CARF: variants seen among roughly 807,000 people sequenced by gnomAD.
The protein encoded by CARF is calcium responsive transcription factor.
Under a neutral mutation model 82.0 loss-of-function variants are expected in CARF, and 57 were observed. That is an observed-to-expected ratio of 0.70 (90% confidence interval 0.56 to 0.87). The LOEUF (loss-of-function observed/expected upper bound fraction) is 0.87. Among genes scored for constraint, CARF ranks in the 40% least tolerant of loss-of-function variants. The probability of loss-of-function intolerance (pLI) is 0.00; values close to 1 mark genes in which losing one functional copy is unlikely to be tolerated. For missense variants in CARF, 771 were observed against 855.8 expected, an observed-to-expected ratio of 0.90 and a Z score of 1.24; for synonymous variants, 268 against 290.1, an observed-to-expected ratio of 0.92 and a Z score of 0.77.
At chr2:202,922,802 C>T (rs148776530) in intron 2 of CARF, among the ~76,000 whole-genome samples, 1,716 of 151,868 alleles carry the variant, frequency 0.011, 27 homozygotes, top group African/African-American at 0.039. Flanking sequence ...CAGAGTGAGA[C>T]TCTGTCTCAA....
intron 14 of CARF, among the ~76,000 whole-genome samples, chr2:202,979,199 G>A (rs1296532864): frequency 2.0e-5 from 3 of 151,822 alleles, no homozygotes; most frequent in African/African-American, 7.3e-5. Context: ...AGAGGTTGCA[G>A]TGAGCTGAGA....
chr2:202,918,520 G>A (rs1690174449), intron 2 of CARF, among the ~76,000 whole-genome samples: 1 of 152,108 alleles, frequency 6.6e-6, no homozygotes, highest in Middle Eastern at 3.4e-3. Context: ...GATAGAGCAA[G>A]ACTCCGTCTC....
intron 13 of CARF, among the ~76,000 whole-genome samples, chr2:202,976,357 T>C (rs911820059): frequency 5.3e-5 from 8 of 152,064 alleles, no homozygotes; most frequent in African/African-American, 1.9e-4. Context: ...TTGTTTTTAT[T>C]AGAGACGGGT....
chr2:202,913,436 A>G (rs531890319), intron 1 of CARF, among the ~76,000 whole-genome samples: 1 of 152,342 alleles, frequency 6.6e-6, no homozygotes, highest in African/African-American at 2.4e-5. Flanking sequence ...CACTCAGTAT[A>G]TGTTAATTAT....
At chr2:202,923,958 C>T (rs2105960937) in intron 2 of CARF, among the ~76,000 whole-genome samples, 1 of 152,302 alleles carries the variant, frequency 6.6e-6, no homozygotes, top group Admixed American at 6.5e-5. Flanking sequence ...CATCTCTCAC[C>T]TTATACAAAA....
intron 2 of CARF, among the ~76,000 whole-genome samples, chr2:202,923,182 C>T (rs577965993): frequency 1.1e-4 from 16 of 151,922 alleles, no homozygotes; most frequent in African/African-American, 3.6e-4. Context: ...CAGAGGTTGC[C>T]ATGAGCCGAG....
chr2:202,969,831 A>C, intron 10 of CARF, 88 bp from the exon 11 acceptor site: 2 of 846,952 alleles, frequency 2.4e-6, no homozygotes, highest in South Asian at 5.6e-5. Context: ...TCTAAGCTTA[A>C]ATGCTTAAAG....
chr2:202,983,676 A>C lies in CARF; in HGVS notation c.*52A>C, dbSNP rs1289919366. On this transcript the variant is annotated 3_prime_UTR_variant, in exon 17 of 17. Coordinates refer to ENST00000438828, the MANE Select transcript of CARF (RefSeq NM_024744.17). ...ACTCTGGTGACTTCTGATGTCTTAG[A>C]AAGGAAGGTGAATATAGTCAAAGCG... The C allele has an allele frequency of 4.4e-6, 5 of 1,134,834 alleles. No individual in the cohort carries two copies. Among genetic ancestry groups the C allele is most frequent in the Non-Finnish European group, 6.6e-6 (5 of 757,370 alleles). The allele number at this position is 1,134,834 out of a possible 1,614,324, so 70.3% of individuals were successfully genotyped here.
intron 14 of CARF, among the ~76,000 whole-genome samples, chr2:202,980,655 T>TATATAC (rs2060221541): frequency 8.3e-6 from 1 of 120,398 alleles, no homozygotes; most frequent in South Asian, 2.7e-4. Flanking sequence ...TATATATATA[T>TATATAC]ATATATAGTT....
intron 5 of CARF, among the ~76,000 whole-genome samples, chr2:202,947,798 C>A (rs1008124036): frequency 6.6e-6 from 1 of 152,126 alleles, no homozygotes; most frequent in Non-Finnish European, 1.5e-5. Flanking sequence ...TCCCATTCTT[C>A]AGGTTGTTTG....
chr2:202,922,648 C>CA (rs1478193244), intron 2 of CARF, among the ~76,000 whole-genome samples: 4 of 151,610 alleles, frequency 2.6e-5, no homozygotes, highest in South Asian at 2.1e-4. Context: ...TCTAAAAATA[C>CA]AAAAAAATTA....
chr2:202,925,419 C>T (rs771808880), intron 3 of CARF: 20 of 298,930 alleles, frequency 6.7e-5, no homozygotes, highest in Admixed American at 1.1e-4. Context: ...GCATCCTTGC[C>T]GAGGTCCGTG....
At chr2:202,914,292 C>G (rs1247911856) in intron 1 of CARF, among the ~76,000 whole-genome samples, 2 of 151,924 alleles carry the variant, frequency 1.3e-5, no homozygotes, top group African/African-American at 4.8e-5. Flanking sequence ...TATATAATGC[C>G]ACAGTGTGAT....
chr2:202,959,947 G>A (rs940200337), intron 8 of CARF, among the ~76,000 whole-genome samples: 1 of 152,076 alleles, frequency 6.6e-6, no homozygotes, highest in East Asian at 1.9e-4. Flanking sequence ...ATTTAAGAGA[G>A]CTTACAAAAA....
intron 8 of CARF, among the ~76,000 whole-genome samples, chr2:202,960,431 G>A (rs568735813): frequency 7.9e-5 from 12 of 151,932 alleles, no homozygotes; most frequent in African/African-American, 2.2e-4. Flanking sequence ...TGTATTTTTC[G>A]TACTGATGGG....
chr2:202,972,676 A>T (rs2059845045), intron 12 of CARF, among the ~76,000 whole-genome samples: 1 of 122,342 alleles, frequency 8.2e-6, no homozygotes, highest in Non-Finnish European at 2.0e-5. Context: ...ACTCCGTCTA[A>T]AAAAAAAAAA....
At chr2:202,946,107 T>A (rs1347744033) in intron 5 of CARF, among the ~76,000 whole-genome samples, 1 of 152,200 alleles carries the variant, frequency 6.6e-6, no homozygotes, top group African/African-American at 2.4e-5. Flanking sequence ...TGCATGTATG[T>A]CTTCTTTTTG....
At chr2:202,946,437 G>A (rs1027485023) in intron 5 of CARF, among the ~76,000 whole-genome samples, 4 of 152,194 alleles carry the variant, frequency 2.6e-5, no homozygotes, top group Non-Finnish European at 4.4e-5. Context: ...GGGAAAACTG[G>A]CTAGCCGTAT....
intron 5 of CARF, among the ~76,000 whole-genome samples, chr2:202,950,721 A>G (rs979018354): frequency 6.6e-6 from 1 of 152,164 alleles, no homozygotes; most frequent in Non-Finnish European, 1.5e-5. Flanking sequence ...CATTTATAAA[A>G]TGTATATACT....
Sources: gnomAD v4.1 joint callset for allele counts (sites outside exome capture counted in the v4.1 genomes callset) on GRCh38, gnomAD v4.1.1 for gene constraint, MANE v1.5 for transcripts, NCBI Gene and HGNC (gene_info 2026-07-23, HGNC 2026-07-21) for gene names.